The following PCDHGA6 variants were observed in gnomAD, a reference collection of about 807,000 sequenced individuals.
The protein encoded by PCDHGA6 is protocadherin gamma-A6.
A neutral mutation model predicts 60.6 loss-of-function variants in PCDHGA6; 41 were observed. The observed-to-expected ratio is 0.68, with a 90% CI of 0.53 to 0.88. The LOEUF (loss-of-function observed/expected upper bound fraction) is 0.88, where lower values mean the gene tolerates loss of function less well. Among genes scored for constraint, PCDHGA6 ranks in the 40% least tolerant of loss-of-function variants. The probability of loss-of-function intolerance (pLI) is 0.00; values close to 1 mark genes in which losing one functional copy is unlikely to be tolerated. For missense variants in PCDHGA6, 1,312 were observed against 1,203.0 expected, an observed-to-expected ratio of 1.09 and a Z score of -1.34; for synonymous variants, 594 against 524.4, an observed-to-expected ratio of 1.13 and a Z score of -1.81.
At chr5:141,383,731 A>T in intron 1 of PCDHGA6, 1 of 1,614,000 alleles carries the variant, frequency 6.2e-7, no homozygotes. Context: ...TGGGGAAGTG[A>T]CATATTCTTT....
At chr5:141,482,345 T>G (rs192115752) in intron 1 of PCDHGA6, among the ~76,000 whole-genome samples, 8 of 152,122 alleles carry the variant, frequency 5.3e-5, no homozygotes, top group Admixed American at 5.2e-4. Context: ...CTTTGCAAAC[T>G]TGTTGTGAGA....
chr5:141,395,074 C>G, intron 1 of PCDHGA6: 1 of 1,614,166 alleles, frequency 6.2e-7, no homozygotes, highest in East Asian at 2.2e-5. Flanking sequence ...CAGACCTATT[C>G]CCAGGAAGTC....
At chr5:141,399,836 T>C (rs2093900703) in intron 1 of PCDHGA6, 2 of 1,613,080 alleles carry the variant, frequency 1.2e-6, no homozygotes, top group East Asian at 2.2e-5. Context: ...GGCTCTGCGC[T>C]CTTCGATATG....
At chr5:141,399,977 T>C (rs1166854292) in intron 1 of PCDHGA6, 1 of 1,612,262 alleles carries the variant, frequency 6.2e-7, no homozygotes, top group African/African-American at 1.3e-5. Flanking sequence ...AGCCTGGGGC[T>C]GCGCACAGGA....
At chr5:141,427,371 G>A (rs772247790) in intron 1 of PCDHGA6, 3 of 458,018 alleles carry the variant, frequency 6.5e-6, no homozygotes, top group East Asian at 6.9e-5. Context: ...ACCCTGGACG[G>A]TGATCACTCT....
At chr5:141,419,548 G>C in intron 1 of PCDHGA6, 1 of 1,611,976 alleles carries the variant, frequency 6.2e-7, no homozygotes, top group Non-Finnish European at 8.5e-7. Context: ...CGCGGGTGCT[G>C]TACCCTGCGC....
intron 1 of PCDHGA6, chr5:141,385,616 A>G: frequency 1.8e-6 from 2 of 1,098,642 alleles, no homozygotes; most frequent in Non-Finnish European, 2.3e-6. Context: ...TATATTTTAT[A>G]CATTGGAATG....
intron 1 of PCDHGA6, among the ~76,000 whole-genome samples, chr5:141,380,345 TG>T (rs1448564641): frequency 6.6e-6 from 1 of 152,202 alleles, no homozygotes; most frequent in African/African-American, 2.4e-5. Context: ...AGAACTGTTT[TG>T]TTGTTTGTTT....
chr5:141,384,138 AAC>A (rs758587148), intron 1 of PCDHGA6: 5 of 1,612,622 alleles, frequency 3.1e-6, no homozygotes, highest in Non-Finnish European at 4.2e-6. Flanking sequence ...TGGACCGGGA[AAC>A]ACTCTCTTTG....
At chr5:141,405,394 C>A (rs761584699) in intron 1 of PCDHGA6, 7 of 1,593,014 alleles carry the variant, frequency 4.4e-6, no homozygotes, top group Non-Finnish European at 6.0e-6. Context: ...CATTTTTTTT[C>A]TTTCTTTCTT....
chr5:141,436,140 A>G (rs1324666699), intron 1 of PCDHGA6, among the ~76,000 whole-genome samples: 2 of 152,224 alleles, frequency 1.3e-5, no homozygotes, highest in Non-Finnish European at 2.9e-5. Flanking sequence ...TCTTGTATGA[A>G]CTACCAAAAT....
chr5:141,476,521 C>T lies in PCDHGA6; in HGVS notation c.2425-18286C>T. On this transcript the variant is annotated intron_variant, in intron 1 of 3. Transcript: ENST00000517434. The surrounding 1 kb of genome is among the most constrained non-coding windows in gnomAD (Gnocchi z 7.6). ...ACATCAACGACAACAATCCTGCTTT[C>T]CCTACCCAGGAAATGAAATTGGAGA... 4 of 1,614,214 alleles carry T rather than the reference C, an allele frequency of 2.5e-6. No homozygotes were observed. The highest frequency in any genetic ancestry group is 3.4e-6 in the Non-Finnish European group (4 of 1,180,036).
At chr5:141,387,764 A>AT (rs1054166588) in intron 1 of PCDHGA6, 8 of 1,430,464 alleles carry the variant, frequency 5.6e-6, no homozygotes, top group Non-Finnish European at 7.4e-6. Context: ...AAAAAGAAGA[A>AT]TTTTTTCTTG....
intron 1 of PCDHGA6, chr5:141,405,402 C>T: frequency 6.3e-7 from 1 of 1,589,724 alleles, no homozygotes; most frequent in Non-Finnish European, 8.6e-7. Flanking sequence ...TTCTTTCTTT[C>T]TTTTCTTTTT....
In PCDHGA6 at chr5:141,426,211, G is replaced by A. The variant is rs184669298; in HGVS notation, c.2424+49704G>A. On this transcript the variant is annotated intron_variant, in intron 1 of 3. Coordinates refer to ENST00000517434, the MANE Select transcript of PCDHGA6 (RefSeq NM_018919.3). ...TGGGAGCATTGAGTTTTCTATGTAT[G>A]GAAGTAAATATTTTAAAAGCACTTT... The A allele has an allele frequency of 7.7e-4, 121 of 157,870 alleles. 1 individual carries two copies. The highest frequency in any genetic ancestry group is 7.4e-4 in the South Asian group (4 of 5,398). 9.8% of individuals were successfully genotyped at this position (157,870 alleles called of 1,614,324 possible). A position where few individuals can be genotyped will look rare whatever the true frequency, so the allele number is the denominator to read the frequency against.
chr5:141,393,220 A>G (rs2092705422), intron 1 of PCDHGA6: 15 of 1,613,684 alleles, frequency 9.3e-6, no homozygotes, highest in Non-Finnish European at 1.3e-5. Context: ...TTCCAGGTCG[A>G]AGATCTAGAA....
intron 1 of PCDHGA6, among the ~76,000 whole-genome samples, chr5:141,444,106 G>A (rs2098417269): frequency 7.6e-6 from 1 of 131,112 alleles, no homozygotes; most frequent in South Asian, 2.6e-4. Flanking sequence ...TGGAAACCAA[G>A]AAAAGTGAAG....
Position 141,477,783 on chromosome 5 carries a change from T to C in PCDHGA6, c.2425-17024T>C. 1 of 1,614,078 alleles carries C rather than the reference T, an allele frequency of 6.2e-7. No individual in the cohort carries two copies. Among genetic ancestry groups the C allele is most frequent in the Non-Finnish European group, 8.5e-7 (1 of 1,180,028 alleles). On this transcript the variant is annotated intron_variant, in intron 1 of 3. Coordinates refer to ENST00000517434, the MANE Select transcript of PCDHGA6 (RefSeq NM_018919.3). The surrounding 1 kb of genome is among the most constrained non-coding windows in gnomAD (Gnocchi z 4.9). ...GCCACCAACATCAGCGTGAACATAT[T>C]TGTCACTGATCGCAATGACAATGCC...
chr5:141,505,246 G>GAAGT, intron 2 of PCDHGA6, 147 bp from the exon 3 acceptor site: 3 of 1,436,674 alleles, frequency 2.1e-6, no homozygotes, highest in Non-Finnish European at 2.8e-6. Context: ...AAGGATTGTA[G>GAAGT]AAGTGCCTCC....
Sources: allele counts gnomAD v4.1 joint callset (sites outside exome capture counted in the v4.1 genomes callset), GRCh38; gene constraint gnomAD v4.1.1; non-coding constraint Gnocchi (gnomAD v3.1); transcripts MANE v1.5; gene names NCBI Gene and HGNC (gene_info 2026-07-23, HGNC 2026-07-21).